Variants in ARB2A observed in about 807,000 individuals in gnomAD.
ARB2A encodes cotranscriptional regulator ARB2A.
the ARB2A span, among the ~76,000 whole-genome samples, chr5:93,659,308 G>T: frequency 6.6e-6 from 1 of 152,034 alleles, no homozygotes; most frequent in Non-Finnish European, 1.5e-5. Flanking sequence ...CACTTGGAAA[G>T]AGTCCACAGT....
the ARB2A span, among the ~76,000 whole-genome samples, chr5:93,993,547 C>T: frequency 6.6e-6 from 1 of 151,972 alleles, no homozygotes; most frequent in African/African-American, 2.4e-5. Flanking sequence ...TTTGCTCAAC[C>T]CTATAAATGC....
the ARB2A span, among the ~76,000 whole-genome samples, chr5:93,994,604 AT>A: frequency 6.6e-6 from 1 of 152,148 alleles, no homozygotes; most frequent in Non-Finnish European, 1.5e-5. Context: ...TTATACACAG[AT>A]TTTTTTCAAT....
At chr5:93,990,620 TAAAAAAAAAAA>T in the ARB2A span, among the ~76,000 whole-genome samples, 27 of 75,242 alleles carry the variant, frequency 3.6e-4, 1 homozygote, top group Admixed American at 1.6e-3. Flanking sequence ...CTACCATGAG[TAAAAAAAAAAA>T]AAAAAAAAAA....
chr5:93,910,313 C>G, the ARB2A span, among the ~76,000 whole-genome samples: 1 of 150,924 alleles, frequency 6.6e-6, no homozygotes, highest in African/African-American at 2.4e-5. Flanking sequence ...TTGAAAAACA[C>G]ATCTGATACA....
At chr5:93,880,512 A>G in the ARB2A span, among the ~76,000 whole-genome samples, 2 of 151,762 alleles carry the variant, frequency 1.3e-5, no homozygotes, top group Admixed American at 1.3e-4. Flanking sequence ...CCTATTGTAT[A>G]ATTTATAAAA....
the ARB2A span, among the ~76,000 whole-genome samples, chr5:93,689,952 T>C: frequency 6.6e-6 from 1 of 151,968 alleles, no homozygotes; most frequent in African/African-American, 2.4e-5. Context: ...GCCCAAGGGG[T>C]TGAAGAACTC....
the ARB2A span, among the ~76,000 whole-genome samples, chr5:93,764,730 G>C: frequency 1.3e-5 from 2 of 152,200 alleles, no homozygotes; most frequent in Non-Finnish European, 2.9e-5. Context: ...AAGCCTGGCA[G>C]AGACACAACA....
chr5:93,789,407 A>C, the ARB2A span, among the ~76,000 whole-genome samples: 2 of 152,230 alleles, frequency 1.3e-5, no homozygotes, highest in African/African-American at 2.4e-5. Flanking sequence ...CATGTATATA[A>C]ATAGATTAGC....
chr5:93,718,854 G>A, the ARB2A span, among the ~76,000 whole-genome samples: 1 of 151,976 alleles, frequency 6.6e-6, no homozygotes, highest in Admixed American at 6.6e-5. Context: ...TCTCTCTAAA[G>A]GTTCTTTGGT....
the ARB2A span, among the ~76,000 whole-genome samples, chr5:93,902,640 AAGC>A: frequency 6.6e-6 from 1 of 152,168 alleles, no homozygotes; most frequent in Non-Finnish European, 1.5e-5. Context: ...TGGGTGAAGA[AAGC>A]AGCATCGGGA....
At chr5:93,998,213 T>C in the ARB2A span, among the ~76,000 whole-genome samples, 1 of 152,098 alleles carries the variant, frequency 6.6e-6, no homozygotes, top group South Asian at 2.1e-4. Flanking sequence ...ATCTTTTCCC[T>C]TTAATTTAAC....
At chr5:94,105,344 G>A in the ARB2A span, among the ~76,000 whole-genome samples, 9 of 151,870 alleles carry the variant, frequency 5.9e-5, no homozygotes, top group Middle Eastern at 3.4e-3. Flanking sequence ...CAGCAATAAC[G>A]TCCAAGCTGA....
At chr5:93,717,835 C>CTTT in the ARB2A span, among the ~76,000 whole-genome samples, 4 of 136,320 alleles carry the variant, frequency 2.9e-5, no homozygotes, top group African/African-American at 5.4e-5. Context: ...AATTCATATT[C>CTTT]TTTTTTTTTT....
the ARB2A span, among the ~76,000 whole-genome samples, chr5:93,840,417 T>G: frequency 2.6e-5 from 4 of 152,186 alleles, no homozygotes; most frequent in Non-Finnish European, 5.9e-5. Context: ...ACATTTACCA[T>G]GTCCAAAAGT....
chr5:93,802,836 T>C, the ARB2A span, among the ~76,000 whole-genome samples: 3 of 152,104 alleles, frequency 2.0e-5, no homozygotes, highest in African/African-American at 7.2e-5. Context: ...CTAAAATGCT[T>C]ACTATTGAGT....
At chr5:94,061,610 T>A in the ARB2A span, among the ~76,000 whole-genome samples, 1 of 152,210 alleles carries the variant, frequency 6.6e-6, no homozygotes, top group African/African-American at 2.4e-5. Context: ...TCACAGTATA[T>A]AATATCAACA....
the ARB2A span, among the ~76,000 whole-genome samples, chr5:93,764,085 A>G: frequency 0.068 from 10,418 of 152,314 alleles, 454 homozygotes; most frequent in African/African-American, 0.12. Context: ...AAATGCCCAC[A>G]AGAGAAAGCA....
the ARB2A span, among the ~76,000 whole-genome samples, chr5:94,042,170 T>A: frequency 1.3e-5 from 2 of 152,132 alleles, no homozygotes; most frequent in Admixed American, 6.5e-5. Context: ...TGTAAAAAAT[T>A]AATCTCGTAA....
At chr5:94,003,051 A>T in the ARB2A span, among the ~76,000 whole-genome samples, 1 of 152,200 alleles carries the variant, frequency 6.6e-6, no homozygotes, top group Admixed American at 6.5e-5. Flanking sequence ...AGTTTGTATA[A>T]TATTATTACA....
Sources: gnomAD v4.1 joint callset for allele counts (sites outside exome capture counted in the v4.1 genomes callset) on GRCh38, gnomAD v4.1.1 for gene constraint, MANE v1.5 for transcripts, NCBI Gene and HGNC (gene_info 2026-07-23, HGNC 2026-07-21) for gene names.